CELF2: variants seen among roughly 807,000 people sequenced by gnomAD.
The protein encoded by CELF2 is CUGBP Elav-like family member 2.
A neutral mutation model predicts 62.6 loss-of-function variants in CELF2; 8 were observed. The observed-to-expected ratio is 0.13, with a 90% CI of 0.07 to 0.23. CELF2 has a LOEUF of 0.23. Ranked by LOEUF, CELF2 falls within the 10% of genes least tolerant of loss-of-function variation. CELF2 has a pLI of 1.00. For missense variants in CELF2, 333 were observed against 671.0 expected, an observed-to-expected ratio of 0.50 and a Z score of 5.56; for synonymous variants, 258 against 250.0, an observed-to-expected ratio of 1.03 and a Z score of -0.30.
chr10:10,654,818 A>G, the CELF2 span, among the ~76,000 whole-genome samples: 2 of 150,398 alleles, frequency 1.3e-5, no homozygotes, highest in African/African-American at 4.9e-5. Flanking sequence ...CAGGACAGGG[A>G]TGCCCTCTCT....
chr10:11,087,222 C>T (rs1375455842), intron 1 of CELF2, among the ~76,000 whole-genome samples: 1 of 152,180 alleles, frequency 6.6e-6, no homozygotes, highest in Non-Finnish European at 1.5e-5. Context: ...GAATGCTCTT[C>T]ATATACCGGC....
At chr10:10,962,718 C>T (rs1297468523) in intron 2 of CELF2, among the ~76,000 whole-genome samples, 1 of 152,106 alleles carries the variant, frequency 6.6e-6, no homozygotes, top group Non-Finnish European at 1.5e-5. Context: ...GAGCAAGACA[C>T]TGTCTCTAAA....
At chr10:10,945,245 C>G (rs2047525557) in intron 2 of CELF2, among the ~76,000 whole-genome samples, 1 of 152,218 alleles carries the variant, frequency 6.6e-6, no homozygotes, top group Non-Finnish European at 1.5e-5. Flanking sequence ...GAGGGGGCAG[C>G]TGACAGCATT....
chr10:10,625,267 A>C, the CELF2 span, among the ~76,000 whole-genome samples: 1 of 152,206 alleles, frequency 6.6e-6, no homozygotes, highest in South Asian at 2.1e-4. Flanking sequence ...TCTAAGGGCA[A>C]TTCTAACTAT....
At chr10:11,115,861 C>T (rs969082672) in intron 1 of CELF2, among the ~76,000 whole-genome samples, 1 of 152,178 alleles carries the variant, frequency 6.6e-6, no homozygotes, top group Non-Finnish European at 1.5e-5. Context: ...ATGCATGTCT[C>T]TTTGCCCTAT....
chr10:11,249,665 A>G (rs909419081), intron 4 of CELF2, among the ~76,000 whole-genome samples: 2 of 152,124 alleles, frequency 1.3e-5, no homozygotes, highest in East Asian at 1.9e-4. Context: ...AGACTACCTT[A>G]TTGTACTCTT....
chr10:11,226,599 G>T (rs2066626673), intron 3 of CELF2, among the ~76,000 whole-genome samples: 1 of 86,668 alleles, frequency 1.2e-5, no homozygotes, highest in Admixed American at 1.4e-4. Flanking sequence ...GCAGGCAGTG[G>T]CCACACACAC....
chr10:11,070,086 G>A (rs1449151032), intron 1 of CELF2, among the ~76,000 whole-genome samples: 1 of 152,076 alleles, frequency 6.6e-6, no homozygotes, highest in Admixed American at 6.5e-5. Flanking sequence ...TTGTACTCTT[G>A]TTTTATTCTC....
chr10:10,661,481 C>T, the CELF2 span, among the ~76,000 whole-genome samples: 1 of 152,162 alleles, frequency 6.6e-6, no homozygotes. Context: ...CATTCTTGTC[C>T]AAGGCCTTTT....
the CELF2 span, among the ~76,000 whole-genome samples, chr10:10,681,946 C>T: frequency 1.3e-5 from 2 of 152,192 alleles, no homozygotes; most frequent in Non-Finnish European, 2.9e-5. Flanking sequence ...TTGACCCAAA[C>T]AACTGGCTAA....
chr10:10,937,121 C>CTTTTTTTTTTTTTTTTTTTTTTTCTTTTT (rs373143426), intron 2 of CELF2, among the ~76,000 whole-genome samples: 1 of 90,538 alleles, frequency 1.1e-5, no homozygotes, highest in Non-Finnish European at 2.0e-5. Context: ...TTTTTCTTTT[C>CTTTTTTTTTTTTTTTTTTTTTTTCTTTTT]TTTTTTTTTT....
At position 11,149,864 on chromosome 10, in the gene CELF2, A is replaced by C. The variant is rs565690423; in HGVS notation, c.75-15622A>C. On this transcript the variant is annotated intron_variant, in intron 1 of 12. Transcript: ENST00000633077. ...ACCCCGATGGAAATATACTGTCTTC[A>C]GGTATTCAGCACTTGTCAGTTGATC... Among the ~76,000 whole-genome samples the C allele has an allele frequency of 6.6e-5, 10 of 152,318 alleles. No individual in the cohort carries two copies. In the East Asian group the frequency reaches 1.7e-3, roughly 26 times the overall value.
intron 9 of CELF2, among the ~76,000 whole-genome samples, chr10:11,301,508 T>C (rs1158477136): frequency 2.9e-4 from 17 of 58,332 alleles, no homozygotes; most frequent in African/African-American, 1.4e-3. Context: ...CCCACCCCGC[T>C]CCCACAGCAC....
rs978486433 is a variant in CELF2, at chr10:11,191,852, G to A, written c.272-25573G>A. 6.6e-6 allele frequency among the ~76,000 whole-genome samples: 1 copy of A among 152,164 alleles called. No individual in the cohort carries two copies. The highest frequency in any genetic ancestry group is 2.4e-5 in the African/African-American group (1 of 41,442). On this transcript the variant is annotated intron_variant, in intron 2 of 12. Transcript: ENST00000633077. The surrounding 1 kb of genome is among the most constrained non-coding windows in gnomAD (Gnocchi z 4.1). ...AGGGAGGGGCCGTGTGCATGCTCAT[G>A]CTGTTTATCCCAAGCCTGTTTTCCA...
chr10:10,625,841 C>T, the CELF2 span, among the ~76,000 whole-genome samples: 1 of 152,140 alleles, frequency 6.6e-6, no homozygotes, highest in Admixed American at 6.5e-5. Context: ...CTCTATGCAC[C>T]AGCACGATTG....
At chr10:10,810,608 A>G (rs566024437) in intron 1 of CELF2, among the ~76,000 whole-genome samples, 1 of 152,152 alleles carries the variant, frequency 6.6e-6, no homozygotes, top group Non-Finnish European at 1.5e-5. Flanking sequence ...GGGCGGCTCT[A>G]AGGGGCTCAT....
the CELF2 span, among the ~76,000 whole-genome samples, chr10:10,463,493 G>A: frequency 1.5e-3 from 224 of 152,160 alleles, no homozygotes; most frequent in African/African-American, 5.2e-3. Context: ...TTCTTTTTCT[G>A]CATGTAACTT....
In CELF2 at chr10:11,314,080, T is replaced by C; in HGVS notation, c.977-59T>C. ...GAGATGATGACAGAAGGATTTCCAGTCTCGGCTCTCACTCACCTCGTGTCT... is the reference window on the plus strand; with the variant it reads ...GAGATGATGACAGAAGGATTTCCAGCCTCGGCTCTCACTCACCTCGTGTCT... On this transcript the variant is annotated intron_variant, in intron 9 of 12. Coordinates refer to ENST00000633077, the MANE Select transcript of CELF2 (RefSeq NM_001326342.2). This position sits in a 1 kb window ranked among gnomAD's most constrained non-coding sequence, Gnocchi z 5.3. 1.3e-6 allele frequency: 2 copies of C among 1,523,428 alleles called. No homozygotes were observed. Among genetic ancestry groups the C allele is most frequent in the Non-Finnish European group, 1.8e-6 (2 of 1,112,208 alleles). The allele number at this position is 1,523,428 out of a possible 1,614,324, so 94.4% of individuals were successfully genotyped here.
the CELF2 span, among the ~76,000 whole-genome samples, chr10:10,545,251 G>A: frequency 2.6e-5 from 4 of 152,166 alleles, no homozygotes; most frequent in Non-Finnish European, 5.9e-5. Context: ...ATGGGGATGC[G>A]TAGAGGCAGT....
Sources: allele counts gnomAD v4.1 joint callset (sites outside exome capture counted in the v4.1 genomes callset), GRCh38; gene constraint gnomAD v4.1.1; non-coding constraint Gnocchi (gnomAD v3.1); transcripts MANE v1.5; gene names NCBI Gene and HGNC (gene_info 2026-07-23, HGNC 2026-07-21).